Variants in GSG1L observed in about 807,000 individuals in gnomAD.
The protein encoded by GSG1L is GSG1 like.
GSG1L carries 24 observed loss-of-function variants against 42.1 expected under a neutral mutation model. The ratio of observed to expected loss-of-function variants is 0.57; its 90% CI spans 0.41 to 0.80. GSG1L has a LOEUF of 0.80. Ranked by LOEUF, GSG1L falls within the 30% of genes least tolerant of loss-of-function variation. The pLI is 0.00. For synonymous variants in GSG1L, 215 were observed against 203.5 expected (o/e 1.06, Z -0.48); for missense variants, 445 against 472.2 (o/e 0.94, Z 0.53).
intron 3 of GSG1L, among the ~76,000 whole-genome samples, chr16:27,880,828 A>T (rs1247833458): frequency 1.3e-4 from 20 of 151,174 alleles, no homozygotes; most frequent in African/African-American, 3.4e-4. Context: ...AATGGAGGGG[A>T]TTTTTTGATG....
intron 4 of GSG1L, among the ~76,000 whole-genome samples, chr16:27,839,820 A>T (rs1487672066): frequency 1.3e-5 from 2 of 152,144 alleles, no homozygotes; most frequent in Non-Finnish European, 2.9e-5. Flanking sequence ...ACACAATGGC[A>T]GGCCTAAGAA....
intron 3 of GSG1L, among the ~76,000 whole-genome samples, chr16:27,868,759 G>A (rs867801019): frequency 5.3e-5 from 8 of 152,098 alleles, no homozygotes; most frequent in South Asian, 2.1e-4. Flanking sequence ...GAGCTGGGGC[G>A]TTTCATGAGG....
At position 27,852,551 on chromosome 16, in the gene GSG1L, G is replaced by A. The variant is rs112016885; in HGVS notation, c.551-7490C>T. On this transcript the variant is annotated intron_variant, in intron 3 of 6. Coordinates refer to ENST00000447459, the MANE Select transcript of GSG1L (RefSeq NM_001109763.2). ...GGGTCAGAGGGAGGAGGAGGAGGGT[G>A]GAGCAGGCAGGGGAACCCACACCAG... Among the ~76,000 whole-genome samples the A allele has an allele frequency of 3.2e-3, 480 of 152,154 alleles. 2 individuals are homozygous for A. Among genetic ancestry groups the A allele is most frequent in the African/African-American group, 0.011 (445 of 41,492 alleles).
intron 3 of GSG1L, among the ~76,000 whole-genome samples, chr16:27,877,512 G>C (rs879173119): frequency 1.3e-5 from 2 of 151,854 alleles, no homozygotes; most frequent in African/African-American, 4.8e-5. Context: ...TAGCAGTATC[G>C]TGAGCTCCAA....
At chr16:27,901,540 C>T (rs1251289261) in intron 2 of GSG1L, among the ~76,000 whole-genome samples, 4 of 152,160 alleles carry the variant, frequency 2.6e-5, no homozygotes, top group Non-Finnish European at 4.4e-5. Flanking sequence ...GCTACAGGAG[C>T]GGTTCTCAAG....
intron 2 of GSG1L, among the ~76,000 whole-genome samples, chr16:27,955,194 T>C (rs2084990403): frequency 1.3e-5 from 2 of 151,740 alleles, no homozygotes; most frequent in Admixed American, 6.6e-5. Context: ...GAAGCAAACT[T>C]AAAAAAATTA....
At chr16:27,829,410 GAGA>G (rs1180274612) in intron 4 of GSG1L, among the ~76,000 whole-genome samples, 1 of 152,212 alleles carries the variant, frequency 6.6e-6, no homozygotes, top group Non-Finnish European at 1.5e-5. Context: ...GAGGATGCAT[GAGA>G]AGATTAGCTG....
intron 2 of GSG1L, among the ~76,000 whole-genome samples, chr16:27,904,777 T>C (rs2084300889): frequency 6.6e-6 from 1 of 152,086 alleles, no homozygotes; most frequent in Non-Finnish European, 1.5e-5. Flanking sequence ...TCTCTCACTT[T>C]CCTCCTTAAG....
At position 28,059,877 on chromosome 16, in the gene GSG1L, C is replaced by G. The variant is rs554430566; in HGVS notation, c.349+3199G>C. On this transcript the variant is annotated intron_variant, in intron 1 of 6. Transcript: ENST00000447459. This position sits in a 1 kb window ranked among gnomAD's most constrained non-coding sequence, Gnocchi z 4.4. ...CTGGTGAAAGTGTGTCTGTTTAGGG[C>G]AGGCTGCAGTTTTCTTTGTGAACAC... 1.3e-5 allele frequency among the ~76,000 whole-genome samples: 2 copies of G among 152,280 alleles called. No individual in the cohort carries two copies. The highest frequency in any genetic ancestry group is 4.8e-5 in the African/African-American group (2 of 41,552).
chr16:28,015,255 G>A (rs2085767310), intron 1 of GSG1L, among the ~76,000 whole-genome samples: 1 of 152,248 alleles, frequency 6.6e-6, no homozygotes, highest in Admixed American at 6.5e-5. Flanking sequence ...TGTGATCCCA[G>A]CACTTTGGGA....
intron 4 of GSG1L, among the ~76,000 whole-genome samples, chr16:27,834,935 C>G (rs1215401164): frequency 2.6e-5 from 4 of 152,102 alleles, no homozygotes; most frequent in Admixed American, 6.5e-5. Flanking sequence ...CATCTTTCTT[C>G]TGCTGGCTTT....
chr16:27,907,140 T>C (rs894888484), intron 2 of GSG1L, among the ~76,000 whole-genome samples: 2 of 152,146 alleles, frequency 1.3e-5, no homozygotes, highest in Non-Finnish European at 2.9e-5. Flanking sequence ...AAACATCTGT[T>C]GAAGAGGCGG....
chr16:27,893,027 G>A lies in GSG1L; in HGVS notation c.398-8389C>T, dbSNP rs1229264611. 2.0e-5 allele frequency among the ~76,000 whole-genome samples: 3 copies of A among 152,250 alleles called. No individual in the cohort carries two copies. In the East Asian group the frequency reaches 5.8e-4, roughly 29 times the overall value. On this transcript the variant is annotated intron_variant, in intron 2 of 6. Coordinates refer to ENST00000447459, the MANE Select transcript of GSG1L (RefSeq NM_001109763.2). ...CCAGTCTCTCAGCAGGCCCGGCAGA[G>A]CCTCGCCTTAGTGATGCCGGGAAAG...
At chr16:27,812,301 TAA>T (rs1162467228) in intron 5 of GSG1L, among the ~76,000 whole-genome samples, 4 of 152,176 alleles carry the variant, frequency 2.6e-5, no homozygotes, top group Non-Finnish European at 5.9e-5. Flanking sequence ...CTTCATGTGC[TAA>T]GTTTCAGGCC....
At chr16:27,850,818 T>C (rs567493349) in intron 3 of GSG1L, among the ~76,000 whole-genome samples, 199 of 152,100 alleles carry the variant, frequency 1.3e-3, no homozygotes, top group African/African-American at 4.5e-3. Flanking sequence ...TTTATTTTTT[T>C]TTTGTACAGA....
At chr16:27,947,642 T>C (rs992241818) in intron 2 of GSG1L, among the ~76,000 whole-genome samples, 1 of 152,050 alleles carries the variant, frequency 6.6e-6, no homozygotes, top group African/African-American at 2.4e-5. Context: ...GGTTGTGTGA[T>C]AACATGCATG....
At chr16:27,985,399 T>C (rs932250860) in intron 1 of GSG1L, among the ~76,000 whole-genome samples, 1 of 152,024 alleles carries the variant, frequency 6.6e-6, no homozygotes, top group African/African-American at 2.4e-5. Flanking sequence ...TTTCTCTAGC[T>C]CTCTCTCTCA....
At chr16:27,938,637 C>T (rs1350158823) in intron 2 of GSG1L, among the ~76,000 whole-genome samples, 3 of 152,078 alleles carry the variant, frequency 2.0e-5, no homozygotes, top group Non-Finnish European at 2.9e-5. Context: ...GTGCCCACCG[C>T]GAGGGACTGA....
intron 1 of GSG1L, among the ~76,000 whole-genome samples, chr16:27,973,764 G>A (rs981471674): frequency 1.3e-5 from 2 of 152,116 alleles, no homozygotes; most frequent in African/African-American, 4.8e-5. Flanking sequence ...CACCAACGCT[G>A]GTGTTTCTAC....
Sources: allele counts gnomAD v4.1 joint callset (sites outside exome capture counted in the v4.1 genomes callset), GRCh38; gene constraint gnomAD v4.1.1; non-coding constraint Gnocchi (gnomAD v3.1); transcripts MANE v1.5; gene names NCBI Gene and HGNC (gene_info 2026-07-23, HGNC 2026-07-21).